The following SEMA6D variants were observed in gnomAD, a reference collection of about 807,000 sequenced individuals.
SEMA6D encodes the protein semaphorin 6D, also known as semaphorin-6D.
Under a neutral mutation model 106.6 loss-of-function variants are expected in SEMA6D, and 35 were observed. The observed-to-expected ratio is 0.33, with a 90% CI of 0.25 to 0.44. The LOEUF is 0.44. Among genes scored for constraint, SEMA6D ranks in the 20% least tolerant of loss-of-function variants. SEMA6D has a pLI of 1.00. For synonymous variants in SEMA6D, 499 were observed against 487.7 expected, an observed-to-expected ratio of 1.02 and a Z score of -0.31; for missense variants, 1,185 against 1,345.9, an observed-to-expected ratio of 0.88 and a Z score of 1.87.
chr15:47,465,695 G>T (rs1326003670), intron 2 of SEMA6D, among the ~76,000 whole-genome samples: 2 of 152,098 alleles, frequency 1.3e-5, no homozygotes, highest in African/African-American at 2.4e-5. Context: ...CTCCTGCCAT[G>T]TAAGATGTGC....
chr15:47,347,539 C>A (rs2144683738), intron 1 of SEMA6D, among the ~76,000 whole-genome samples: 1 of 152,238 alleles, frequency 6.6e-6, no homozygotes, highest in African/African-American at 2.4e-5. Flanking sequence ...TATATAAAAA[C>A]CCACGGGTAA....
intron 4 of SEMA6D, among the ~76,000 whole-genome samples, chr15:47,649,314 G>A (rs1298880256): frequency 1.3e-5 from 2 of 152,118 alleles, no homozygotes; most frequent in East Asian, 3.9e-4. Flanking sequence ...TGACACAAAT[G>A]TCACCGAGTC....
chr15:47,470,849 C>G (rs993896498), intron 3 of SEMA6D, among the ~76,000 whole-genome samples: 1 of 152,108 alleles, frequency 6.6e-6, no homozygotes, highest in Non-Finnish European at 1.5e-5. Context: ...AAGCACTGCC[C>G]AAGCACACCG....
intron 1 of SEMA6D, among the ~76,000 whole-genome samples, chr15:47,303,816 G>A (rs78199551): frequency 0.014 from 2,088 of 152,222 alleles, 53 homozygotes; most frequent in African/African-American, 0.047. Context: ...TCCAGGAAAG[G>A]CCAGTCAGTT....
chr15:47,699,861 C>G (rs1006605715), intron 4 of SEMA6D, among the ~76,000 whole-genome samples: 1 of 152,188 alleles, frequency 6.6e-6, no homozygotes, highest in African/African-American at 2.4e-5. Flanking sequence ...ATGACATGAT[C>G]ATTTATGCAG....
chr15:47,318,562 C>T (rs988829887), intron 1 of SEMA6D, among the ~76,000 whole-genome samples: 16 of 149,508 alleles, frequency 1.1e-4, no homozygotes, highest in African/African-American at 3.9e-4. Context: ...ATGATGATTT[C>T]CAATTTCATT....
chr15:47,586,927 G>C (rs1435744857), intron 3 of SEMA6D, among the ~76,000 whole-genome samples: 1 of 104,756 alleles, frequency 9.5e-6, no homozygotes, highest in Admixed American at 1.2e-4. Context: ...GTCTGTGTTT[G>C]TCTTCAGCTC....
At chr15:47,334,875 A>G (rs930256472) in intron 1 of SEMA6D, among the ~76,000 whole-genome samples, 24 of 152,204 alleles carry the variant, frequency 1.6e-4, no homozygotes, top group African/African-American at 5.8e-4. Context: ...TGGATATGCA[A>G]GAGAATTCAA....
chr15:47,624,271 A>G (rs2077162883), intron 4 of SEMA6D, among the ~76,000 whole-genome samples: 1 of 152,180 alleles, frequency 6.6e-6, no homozygotes, highest in South Asian at 2.1e-4. Context: ...CCGTACTTGC[A>G]TGCTTCCCTA....
intron 1 of SEMA6D, chr15:47,730,716 C>T (rs1303013719): frequency 2.5e-6 from 4 of 1,605,986 alleles, no homozygotes; most frequent in Non-Finnish European, 3.4e-6. Flanking sequence ...GAGGCACTTT[C>T]AGCCGCTTAT....
chr15:47,525,822 T>C (rs2044736824), intron 3 of SEMA6D, among the ~76,000 whole-genome samples: 1 of 152,108 alleles, frequency 6.6e-6, no homozygotes, highest in Non-Finnish European at 1.5e-5. Flanking sequence ...TGAAATCAGA[T>C]AGGCAGTTTT....
rs537975610 is a variant in SEMA6D at position 47,552,959 on chromosome 15, A to G, written c.-86-47906A>G. On this transcript the variant is annotated intron_variant, in intron 3 of 19. Coordinates refer to the SEMA6D transcript ENST00000558014. ...CACTCTGTCACCCAGGCTGGAGTGT[A>G]GTAACCTCGATCTTGGCTAACTGCA... 8.0e-4 allele frequency among the ~76,000 whole-genome samples: 109 copies of G among 136,666 alleles called. 1 individual carries two copies. The highest frequency in any genetic ancestry group is 8.2e-3 in the Middle Eastern group (2 of 244). 89.7% of individuals were successfully genotyped at this position (136,666 alleles called of 152,430 possible).
At chr15:47,744,808 C>A (rs1345738957) in intron 1 of SEMA6D, among the ~76,000 whole-genome samples, 1 of 152,180 alleles carries the variant, frequency 6.6e-6, no homozygotes, top group East Asian at 1.9e-4. Context: ...CAACAAAAAA[C>A]TTAGAAGTGT....
At chr15:47,605,060 T>G (rs567199289) in intron 4 of SEMA6D, among the ~76,000 whole-genome samples, 2 of 152,298 alleles carry the variant, frequency 1.3e-5, no homozygotes, top group South Asian at 2.1e-4. Flanking sequence ...ATTTCACAGC[T>G]TAAAACAAAC....
intron 2 of SEMA6D, among the ~76,000 whole-genome samples, chr15:47,454,409 C>T (rs1327479144): frequency 6.6e-6 from 1 of 151,796 alleles, no homozygotes; most frequent in Non-Finnish European, 1.5e-5. Flanking sequence ...TATTGAACAC[C>T]TTTGTTAAGC....
At chr15:47,658,248 G>GT (rs2077843977) in intron 4 of SEMA6D, among the ~76,000 whole-genome samples, 1 of 151,940 alleles carries the variant, frequency 6.6e-6, no homozygotes, top group East Asian at 1.9e-4. Flanking sequence ...TGTATCCTTT[G>GT]AACAACAGAA....
chr15:47,476,500 T>C (rs1181353402), intron 3 of SEMA6D, among the ~76,000 whole-genome samples: 1 of 152,194 alleles, frequency 6.6e-6, no homozygotes, highest in Non-Finnish European at 1.5e-5. Flanking sequence ...GTACTATTTC[T>C]TCCACTAATG....
At chr15:47,269,795 A>C (rs971270958) in intron 1 of SEMA6D, among the ~76,000 whole-genome samples, 3 of 152,122 alleles carry the variant, frequency 2.0e-5, no homozygotes, top group Non-Finnish European at 4.4e-5. Flanking sequence ...TAATATCAGC[A>C]GATTAGATAA....
At chr15:47,619,094 T>G (rs117717571) in intron 4 of SEMA6D, among the ~76,000 whole-genome samples, 2,661 of 152,278 alleles carry the variant, frequency 0.017, 27 homozygotes, top group South Asian at 0.047. Context: ...CAGGCAGTTG[T>G]GCAGGCCAGG....
Sources: allele counts gnomAD v4.1 joint callset (sites outside exome capture counted in the v4.1 genomes callset), GRCh38; gene constraint gnomAD v4.1.1; transcripts MANE v1.5; gene names NCBI Gene and HGNC (gene_info 2026-07-23, HGNC 2026-07-21).